The following CIB1 variants were observed in gnomAD, a reference collection of about 807,000 sequenced individuals.
The protein encoded by CIB1 is calcium and integrin-binding protein 1.
A neutral mutation model predicts 25.0 loss-of-function variants in CIB1; 19 were observed. The observed-to-expected ratio is 0.76, with a 90% CI of 0.53 to 1.12. The LOEUF is 1.12. Among genes scored for constraint, CIB1 ranks in the 50% most tolerant of loss-of-function variants. The pLI, the probability that CIB1 is intolerant of heterozygous loss-of-function variation, is 0.00. For synonymous variants in CIB1, 104 were observed against 98.5 expected (o/e 1.06, Z -0.33); for missense variants, 236 against 242.6 (o/e 0.97, Z 0.18).
In CIB1 at chr15:90,231,602, C is replaced by A. The variant is rs74037065; in HGVS notation, c.196-95G>T. On this transcript the variant is annotated intron_variant, in intron 3 of 6. Coordinates refer to ENST00000328649, the MANE Select transcript of CIB1 (RefSeq NM_006384.4). ...GAGCAGGTCACAGGACCAGCACCAG[C>A]GAGCTCAGCCTCGTGGGGGTGAACA... 16 of 1,429,780 alleles carry A rather than the reference C, an allele frequency of 1.1e-5. No individual in the cohort carries two copies. The East Asian group carries it at 3.2e-4, about 29-fold the overall frequency. 88.6% of individuals were successfully genotyped at this position (1,429,780 alleles called of 1,614,324 possible).
chr15:90,247,282 T>C, the CIB1 span, among the ~76,000 whole-genome samples: 1 of 137,094 alleles, frequency 7.3e-6, no homozygotes, highest in Non-Finnish European at 1.5e-5. Flanking sequence ...CTTTTTTTTC[T>C]TTTCTTTTCT....
chr15:90,230,278 A>G lies in CIB1; in HGVS notation c.*206T>C. The G allele has an allele frequency of 1.6e-6, 1 of 615,644 alleles. No individual in the cohort carries two copies. Among genetic ancestry groups the G allele is most frequent in the South Asian group, 2.0e-5 (1 of 50,696 alleles). 38.1% of individuals were successfully genotyped at this position (615,644 alleles called of 1,614,324 possible). ...AACTTCTAAACCTTTATTACTGATTAGTACAAACACAAACGGAGCAATGAC... is the reference window on the plus strand; with the variant it reads ...AACTTCTAAACCTTTATTACTGATTGGTACAAACACAAACGGAGCAATGAC... On this transcript the variant is annotated 3_prime_UTR_variant, in exon 7 of 7. Transcript: ENST00000328649.
At chr15:90,263,423 C>A in the CIB1 span, 4 of 482,420 alleles carry the variant, frequency 8.3e-6, no homozygotes, top group South Asian at 1.1e-4. Context: ...CCAAAATAAC[C>A]CCACACTCAT....
upstream of CIB1, among the ~76,000 whole-genome samples, chr15:90,234,877 G>A (rs1353633956): frequency 2.0e-5 from 3 of 152,190 alleles, no homozygotes; most frequent in Non-Finnish European, 4.4e-5. Flanking sequence ...ATGAATGAAC[G>A]TATACTATTG....
At chr15:90,255,756 A>G in the CIB1 span, 3 of 1,614,046 alleles carry the variant, frequency 1.9e-6, no homozygotes, top group Admixed American at 3.3e-5. Context: ...GTGTTTCAGA[A>G]AATCAACCAC....
the CIB1 span, among the ~76,000 whole-genome samples, chr15:90,256,635 TTCC>T: frequency 9.3e-6 from 1 of 108,028 alleles, no homozygotes; most frequent in East Asian, 2.0e-4. Context: ...CCTTCCTTCC[TTCC>T]TTCTTTCTTT....
chr15:90,256,558 TTTCTTTCTTTCTTTC>T, the CIB1 span, among the ~76,000 whole-genome samples: 2 of 36,872 alleles, frequency 5.4e-5, no homozygotes, highest in Non-Finnish European at 1.0e-4. Context: ...TCTTTCTTTC[TTTCTTTCTTTCTTTC>T]TTTCTTTCTT....
At chr15:90,255,867 C>T in the CIB1 span, 7 of 1,614,208 alleles carry the variant, frequency 4.3e-6, no homozygotes, top group Non-Finnish European at 5.9e-6. Context: ...TTCCCCCGCA[C>T]CTGGTGCCTC....
the CIB1 span, among the ~76,000 whole-genome samples, chr15:90,256,601 CTTTCT>C: frequency 1.8e-3 from 59 of 33,000 alleles, 1 homozygote; most frequent in Middle Eastern, 0.025. Flanking sequence ...TTCTTTCTTT[CTTTCT>C]TTCCTTCCTT....
the CIB1 span, chr15:90,258,632 G>A: frequency 1.7e-4 from 157 of 937,380 alleles, 1 homozygote; most frequent in African/African-American, 1.4e-3. Flanking sequence ...CAGCCTCCCC[G>A]GCTGAGGCCA....
upstream of CIB1, among the ~76,000 whole-genome samples, chr15:90,237,370 C>T (rs903266475): frequency 6.6e-6 from 1 of 151,574 alleles, no homozygotes; most frequent in East Asian, 1.9e-4. Context: ...CAACCTCCAC[C>T]TCCCAGGTTC....
the CIB1 span, among the ~76,000 whole-genome samples, chr15:90,257,462 C>A: frequency 6.6e-6 from 1 of 151,436 alleles, no homozygotes. Flanking sequence ...GGTCAGCACC[C>A]GGAGGAGCCC....
chr15:90,250,075 A>G, the CIB1 span, among the ~76,000 whole-genome samples: 1 of 151,648 alleles, frequency 6.6e-6, no homozygotes, highest in Non-Finnish European at 1.5e-5. Context: ...CTCCTCCCTC[A>G]GCCTCCCGAG....
At chr15:90,249,733 T>A in the CIB1 span, 1 of 152,188 alleles carries the variant, frequency 6.6e-6, no homozygotes, top group Non-Finnish European at 1.5e-5. Context: ...AGAGGGGACA[T>A]GAGCGGCCAG....
the CIB1 span, chr15:90,257,817 GC>G: frequency 7.8e-7 from 1 of 1,288,434 alleles, no homozygotes. Context: ...GAGGCTAATT[GC>G]CCAGGGAAAC....
At chr15:90,241,235 G>T in the CIB1 span, 1 of 1,614,110 alleles carries the variant, frequency 6.2e-7, no homozygotes, top group Non-Finnish European at 8.5e-7. Context: ...GGAGGCCCCC[G>T]CAGACCATCA....
chr15:90,247,276 T>C, the CIB1 span, among the ~76,000 whole-genome samples: 3 of 149,874 alleles, frequency 2.0e-5, no homozygotes, highest in South Asian at 2.1e-4. Flanking sequence ...ACTGGCCTTT[T>C]TTTTCTTTTC....
At chr15:90,242,145 T>G in the CIB1 span, 1 of 1,223,284 alleles carries the variant, frequency 8.2e-7, no homozygotes, top group African/African-American at 1.5e-5. Context: ...TAGAGTGTAG[T>G]GGTATGATCC....
the CIB1 span, among the ~76,000 whole-genome samples, chr15:90,239,368 G>A: frequency 2.0e-5 from 3 of 150,428 alleles, no homozygotes; most frequent in Admixed American, 2.0e-4. Context: ...CTGCTGTGAA[G>A]AAATACCCAA....
Sources: gnomAD v4.1 joint callset for allele counts (sites outside exome capture counted in the v4.1 genomes callset) on GRCh38, gnomAD v4.1.1 for gene constraint, MANE v1.5 for transcripts, NCBI Gene and HGNC (gene_info 2026-07-23, HGNC 2026-07-21) for gene names.